SLC9A8: variants seen among roughly 807,000 people sequenced by gnomAD.
SLC9A8 encodes the protein sodium/hydrogen exchanger 8.
In SLC9A8, 48 loss-of-function variants were observed where a neutral mutation model predicts 66.6. That is an observed-to-expected ratio of 0.72 (90% CI 0.57 to 0.92). The LOEUF is 0.92. Among genes scored for constraint, SLC9A8 ranks in the 40% least tolerant of loss-of-function variants. SLC9A8 has a pLI of 0.00. For missense variants in SLC9A8, 599 were observed against 747.3 expected, an observed-to-expected ratio of 0.80 and a Z score of 2.31; for synonymous variants, 274 against 282.6, an observed-to-expected ratio of 0.97 and a Z score of 0.31.
chr20:49,870,752 A>C (rs1397796891), intron 10 of SLC9A8, among the ~76,000 whole-genome samples: 1 of 152,098 alleles, frequency 6.6e-6, no homozygotes, highest in East Asian at 1.9e-4. Flanking sequence ...CCCAGGCTGG[A>C]GTGCAGTGGC....
chr20:49,855,789 G>T (rs996933830), intron 8 of SLC9A8, among the ~76,000 whole-genome samples: 7 of 152,008 alleles, frequency 4.6e-5, no homozygotes, highest in Non-Finnish European at 8.8e-5. Context: ...GTTAAAAGAG[G>T]AGAGTCCACC....
chr20:49,844,070 G>A (rs145931528), intron 4 of SLC9A8, among the ~76,000 whole-genome samples: 17 of 152,020 alleles, frequency 1.1e-4, no homozygotes, highest in East Asian at 3.9e-4. Context: ...GAACTTTTCC[G>A]GACAGCAGAA....
intron 2 of SLC9A8, among the ~76,000 whole-genome samples, chr20:49,822,479 G>A (rs2086775991): frequency 6.6e-6 from 1 of 152,118 alleles, no homozygotes; most frequent in Admixed American, 6.5e-5. Context: ...AGGTTTAACA[G>A]CTTATATAAA....
intron 3 of SLC9A8, among the ~76,000 whole-genome samples, chr20:49,824,926 G>A (rs939459111): frequency 6.6e-6 from 1 of 152,166 alleles, no homozygotes; most frequent in East Asian, 1.9e-4. Context: ...GCGTGATGAG[G>A]TAGTGGGTCC....
chr20:49,847,556 C>G (rs564230396), intron 5 of SLC9A8, among the ~76,000 whole-genome samples: 1 of 152,150 alleles, frequency 6.6e-6, no homozygotes, highest in East Asian at 1.9e-4. Context: ...TATCCACTTT[C>G]TACCCTCGCC....
chr20:49,835,265 A>G (rs2087483807), intron 3 of SLC9A8, among the ~76,000 whole-genome samples: 1 of 152,004 alleles, frequency 6.6e-6, no homozygotes, highest in Non-Finnish European at 1.5e-5. Context: ...AGCATGTTCA[A>G]TGCAGCACCA....
chr20:49,886,727 C>T lies in SLC9A8; in HGVS notation c.1492-25C>T, dbSNP rs745604399. ...CCCGATGGTGCCAGCTGGTGGCCGT[C>T]GGGCCGCCTTTCCTCCCTGCTCAGG... On this transcript the variant is annotated intron_variant, in intron 14 of 15. Transcript: ENST00000361573. This position sits in a 1 kb window ranked among gnomAD's most constrained non-coding sequence, Gnocchi z 4.8. 30 of 1,602,574 alleles carry T rather than the reference C, an allele frequency of 1.9e-5. No homozygotes were observed. Among genetic ancestry groups the T allele is most frequent in the African/African-American group, 4.0e-5 (3 of 74,610 alleles).
intron 3 of SLC9A8, chr20:49,830,377 C>G: frequency 1.2e-6 from 1 of 847,070 alleles, no homozygotes; most frequent in African/African-American, 1.7e-5. Flanking sequence ...AGAACCCCTG[C>G]TGAAGTCCTC....
intron 3 of SLC9A8, among the ~76,000 whole-genome samples, chr20:49,824,970 C>A (rs6067243): frequency 0.2 from 30,323 of 152,066 alleles, 3,034 homozygotes; most frequent in Middle Eastern, 0.22. Context: ...AGTAATGAGA[C>A]ATTTCCCCTT....
chr20:49,823,429 G>A (rs1245380445), intron 3 of SLC9A8, among the ~76,000 whole-genome samples: 2 of 152,154 alleles, frequency 1.3e-5, no homozygotes, highest in Non-Finnish European at 2.9e-5. Context: ...AACTACCCTT[G>A]GGGAACATTG....
intron 5 of SLC9A8, among the ~76,000 whole-genome samples, chr20:49,848,306 A>G (rs760208089): frequency 1.3e-5 from 2 of 152,222 alleles, no homozygotes; most frequent in Non-Finnish European, 2.9e-5. Flanking sequence ...TTGAAAAACC[A>G]AATCATTGTG....
intron 3 of SLC9A8, among the ~76,000 whole-genome samples, chr20:49,825,640 C>A (rs574187336): frequency 1.3e-5 from 2 of 152,064 alleles, no homozygotes; most frequent in East Asian, 3.9e-4. Context: ...AAGACTCTGT[C>A]TCAAAACAAA....
chr20:49,859,286 C>A (rs1231824571), intron 8 of SLC9A8, among the ~76,000 whole-genome samples: 1 of 152,158 alleles, frequency 6.6e-6, no homozygotes, highest in Non-Finnish European at 1.5e-5. Context: ...GACAGTCGGT[C>A]CATGATGGGC....
chr20:49,855,427 G>A lies in SLC9A8; in HGVS notation c.570-11G>A. ...CATTACAGAATCTCCCCTTCCCTCT[G>A]TCTCTTACAGTTTTGCGTTTGGCTC... On this transcript the variant is annotated splice_polypyrimidine_tract_variant and intron_variant, in intron 7 of 15. Coordinates refer to ENST00000361573, the MANE Select transcript of SLC9A8 (RefSeq NM_015266.3). 1 of 1,613,762 alleles carries A rather than the reference G, an allele frequency of 6.2e-7. No homozygotes were observed. The highest frequency in any genetic ancestry group is 8.5e-7 in the Non-Finnish European group (1 of 1,179,736).
chr20:49,884,336 A>ACACACACACACACACACACACAC (rs1568884621), intron 14 of SLC9A8, among the ~76,000 whole-genome samples: 3 of 108,526 alleles, frequency 2.8e-5, no homozygotes, highest in Admixed American at 9.7e-5. Context: ...ACACACACAC[A>ACACACACACACACACACACACAC]CCCCCCGGTC....
At chr20:49,832,574 A>G (rs2087250250) in intron 3 of SLC9A8, among the ~76,000 whole-genome samples, 1 of 152,216 alleles carries the variant, frequency 6.6e-6, no homozygotes, top group South Asian at 2.1e-4. Context: ...TAAGGCAGCC[A>G]CACTGGGGCA....
intron 7 of SLC9A8, 56 bp downstream of exon 7, chr20:49,850,900 T>C: frequency 7.5e-7 from 1 of 1,328,320 alleles, no homozygotes; most frequent in Non-Finnish European, 1.1e-6. Flanking sequence ...GGGGAAATGT[T>C]TCTCCACATT....
chr20:49,824,955 C>T (rs1409222219), intron 3 of SLC9A8, among the ~76,000 whole-genome samples: 1 of 152,176 alleles, frequency 6.6e-6, no homozygotes, highest in African/African-American at 2.4e-5. Flanking sequence ...GTTTTCCTCT[C>T]AGATAGTAAT....
chr20:49,839,307 T>C (rs990871921), intron 3 of SLC9A8, among the ~76,000 whole-genome samples: 3 of 152,164 alleles, frequency 2.0e-5, no homozygotes, highest in African/African-American at 7.2e-5. Context: ...TAAAATACTT[T>C]TCCTCCCCCA....
Sources: allele counts gnomAD v4.1 joint callset (sites outside exome capture counted in the v4.1 genomes callset), GRCh38; gene constraint gnomAD v4.1.1; non-coding constraint Gnocchi (gnomAD v3.1); transcripts MANE v1.5; gene names NCBI Gene and HGNC (gene_info 2026-07-23, HGNC 2026-07-21).